ABCA13: variants seen among roughly 807,000 people sequenced by gnomAD.
ABCA13 encodes the protein ATP binding cassette subfamily A member 13, also known as ATP-binding cassette sub-family A member 13.
A neutral mutation model predicts 478.7 loss-of-function variants in ABCA13; 476 were observed. The ratio of observed to expected loss-of-function variants is 0.99; its 90% CI spans 0.92 to 1.07. ABCA13 has a LOEUF of 1.07. ABCA13 is among the 50% of genes least tolerant of loss of function. The pLI is 0.00. For missense variants in ABCA13, 6,060 were observed against 5,910.6 expected (o/e 1.03, Z -0.83); for synonymous variants, 2,252 against 2,158.9 (o/e 1.04, Z -1.20).
Position 48,646,266 on chromosome 7 carries a change from A to G in ABCA13, c.*754A>G, listed in dbSNP as rs1389186431. 1 of 152,108 alleles carries G rather than the reference A, an allele frequency of 6.6e-6. No individual in the cohort carries two copies. Among genetic ancestry groups the G allele is most frequent in the Non-Finnish European group, 1.5e-5 (1 of 68,034 alleles). The allele number at this position is 152,108 out of a possible 1,614,324, so 9.4% of individuals were successfully genotyped here. ...ATGCATTTTCTTTTTCTTCATTTGG[A>G]TGAATAATTACTGTTTTTTGTTATT... On this transcript the variant is annotated 3_prime_UTR_variant, in exon 62 of 62. Coordinates refer to ENST00000435803, the MANE Select transcript of ABCA13 (RefSeq NM_152701.5).
At chr7:48,384,583 C>T (rs1472576463) in intron 35 of ABCA13, among the ~76,000 whole-genome samples, 1 of 152,218 alleles carries the variant, frequency 6.6e-6, no homozygotes, top group African/African-American at 2.4e-5. Flanking sequence ...GCCTGGAACA[C>T]AGTGAGTGGA....
At chr7:48,421,419 A>G (rs1189910788) in intron 41 of ABCA13, among the ~76,000 whole-genome samples, 4 of 152,226 alleles carry the variant, frequency 2.6e-5, no homozygotes, top group African/African-American at 7.2e-5. Flanking sequence ...CTATTTATAT[A>G]AGGAACCACT....
intron 44 of ABCA13, among the ~76,000 whole-genome samples, 176 bp from the exon 45 acceptor site, chr7:48,471,354 T>C (rs909691709): frequency 1.5e-4 from 23 of 152,292 alleles, no homozygotes; most frequent in Non-Finnish European, 3.1e-4. Flanking sequence ...TAATAAAACA[T>C]TGTCATCAGA....
chr7:48,358,452 A>G (rs1810314273), intron 31 of ABCA13, among the ~76,000 whole-genome samples: 1 of 151,868 alleles, frequency 6.6e-6, no homozygotes, highest in Non-Finnish European at 1.5e-5. Context: ...ATGACACTGT[A>G]GTGTGCAATG....
chr7:48,287,393 G>A (rs900027111), intron 19 of ABCA13, among the ~76,000 whole-genome samples: 3 of 152,174 alleles, frequency 2.0e-5, no homozygotes, highest in Admixed American at 6.5e-5. Flanking sequence ...TTTCCTGGGC[G>A]TGATCTATGG....
At chr7:48,352,611 A>G (rs1448036337) in intron 31 of ABCA13, 124 bp downstream of exon 31, 19 of 1,140,422 alleles carry the variant, frequency 1.7e-5, no homozygotes, top group South Asian at 1.3e-4. Context: ...TTCACCCCCC[A>G]CTTTTTAATT....
At chr7:48,342,403 T>C (rs1584932808) in intron 29 of ABCA13, among the ~76,000 whole-genome samples, 1 of 152,328 alleles carries the variant, frequency 6.6e-6, no homozygotes, top group East Asian at 1.9e-4. Flanking sequence ...ACTTAGGCTT[T>C]ATATACTTTA....
intron 31 of ABCA13, among the ~76,000 whole-genome samples, chr7:48,360,822 A>G (rs1810703777): frequency 6.6e-6 from 1 of 151,980 alleles, no homozygotes; most frequent in Non-Finnish European, 1.5e-5. Flanking sequence ...TGACATATGT[A>G]GTAGGGAAAG....
rs10252745 is a variant in ABCA13, at chr7:48,221,272, T to G, written c.440-9T>G. On this transcript the variant is annotated splice_polypyrimidine_tract_variant and intron_variant, in intron 4 of 61. Transcript: ENST00000435803. ...TGAACTAATATCTCTTAAACCTTCT[T>G]TATTATAGATTCTTCTTATGGTTCC... The G allele has an allele frequency of 0.19, 207,941 of 1,111,484 alleles. 21,057 individuals are homozygous for G. The highest frequency in any genetic ancestry group is 0.24 in the Middle Eastern group (1,136 of 4,770). The allele number at this position is 1,111,484 out of a possible 1,614,324, so 68.9% of individuals were successfully genotyped here.
At chr7:48,262,862 A>G (rs1157228196) in intron 15 of ABCA13, among the ~76,000 whole-genome samples, 5 of 151,978 alleles carry the variant, frequency 3.3e-5, no homozygotes, top group Non-Finnish European at 5.9e-5. Flanking sequence ...CTTGCTTGAT[A>G]TAGTCTCCTC....
intron 47 of ABCA13, among the ~76,000 whole-genome samples, chr7:48,483,509 G>T (rs974794032): frequency 6.6e-6 from 1 of 152,210 alleles, no homozygotes; most frequent in Non-Finnish European, 1.5e-5. Context: ...GAATGTAAAT[G>T]CCTTATCTTC....
chr7:48,330,723 A>G (rs187599352), intron 27 of ABCA13, among the ~76,000 whole-genome samples: 7 of 149,638 alleles, frequency 4.7e-5, no homozygotes, highest in East Asian at 2.0e-4. Context: ...CCATTTATCT[A>G]TTCATCCATT....
At chr7:48,489,932 C>T (rs1397454677) in intron 48 of ABCA13, among the ~76,000 whole-genome samples, 1 of 152,064 alleles carries the variant, frequency 6.6e-6, no homozygotes, top group African/African-American at 2.4e-5. Context: ...TTTAATTTAG[C>T]TTCTTTTTTA....
intron 39 of ABCA13, among the ~76,000 whole-genome samples, chr7:48,405,152 A>G (rs1818095446): frequency 6.6e-6 from 1 of 152,248 alleles, no homozygotes; most frequent in Non-Finnish European, 1.5e-5. Flanking sequence ...GCATGCTGCC[A>G]TGGAAGTAGG....
intron 54 of ABCA13, among the ~76,000 whole-genome samples, chr7:48,527,619 ACT>A (rs1274991590): frequency 2.0e-5 from 3 of 152,208 alleles, no homozygotes; most frequent in Non-Finnish European, 4.4e-5. Context: ...AACTGAGTTG[ACT>A]CTATGCTCAA....
In ABCA13 at chr7:48,638,968, G is replaced by T. The variant is rs143315235; in HGVS notation, c.14838-4320G>T. On this transcript the variant is annotated intron_variant, in intron 59 of 61. Coordinates refer to ENST00000435803, the MANE Select transcript of ABCA13 (RefSeq NM_152701.5). Reference sequence around the variant, plus strand: ...TAACTCCCTCCATTCCCTTGGAGTTGTGTGACCCAAACAAGTTATGTAGCT... The same window carrying T: ...TAACTCCCTCCATTCCCTTGGAGTTTTGTGACCCAAACAAGTTATGTAGCT... Among the ~76,000 whole-genome samples the T allele has an allele frequency of 2.6e-5, 4 of 152,304 alleles. No individual in the cohort carries two copies. In the South Asian group the frequency reaches 8.3e-4, roughly 32 times the overall value.
chr7:48,269,175 C>T, intron 16 of ABCA13, 81 bp downstream of exon 16: 2 of 750,412 alleles, frequency 2.7e-6, no homozygotes, highest in Non-Finnish European at 4.5e-6. Flanking sequence ...AGGATATGCA[C>T]TCTTTAAAAT....
intron 31 of ABCA13, among the ~76,000 whole-genome samples, chr7:48,364,484 T>G (rs1269293016): frequency 6.6e-6 from 1 of 152,170 alleles, no homozygotes; most frequent in East Asian, 1.9e-4. Flanking sequence ...TACAGTTCCC[T>G]TAGTGTGCTA....
chr7:48,353,735 C>A (rs922452308), intron 31 of ABCA13, among the ~76,000 whole-genome samples: 1 of 151,868 alleles, frequency 6.6e-6, no homozygotes, highest in Non-Finnish European at 1.5e-5. Flanking sequence ...GAAGGACTTT[C>A]CCACAGTGGG....
Sources: allele counts gnomAD v4.1 joint callset (sites outside exome capture counted in the v4.1 genomes callset), GRCh38; gene constraint gnomAD v4.1.1; transcripts MANE v1.5; gene names NCBI Gene and HGNC (gene_info 2026-07-23, HGNC 2026-07-21).